MAP2: variants seen among roughly 807,000 people sequenced by gnomAD.
The protein encoded by MAP2 is microtubule-associated protein 2.
In MAP2, 14 loss-of-function variants were observed where a neutral mutation model predicts 137.6. That is an observed-to-expected ratio of 0.10 (90% CI 0.07 to 0.16). The LOEUF is 0.16. MAP2 is among the 10% of genes least tolerant of loss of function. MAP2 has a pLI of 1.00. For missense variants in MAP2, 2,088 were observed against 2,191.5 expected (o/e 0.95, Z 0.94); for synonymous variants, 786 against 782.3 (o/e 1.00, Z -0.08).
At chr2:209,544,321 C>T (rs749444803) in intron 2 of MAP2, among the ~76,000 whole-genome samples, 9 of 151,822 alleles carry the variant, frequency 5.9e-5, no homozygotes, top group Middle Eastern at 3.4e-3. Context: ...CCAGCAACAT[C>T]GAGGGAATCT....
intron 4 of MAP2, among the ~76,000 whole-genome samples, chr2:209,637,623 A>G (rs1031705439): frequency 1.3e-5 from 2 of 152,118 alleles, no homozygotes; most frequent in African/African-American, 4.8e-5. Context: ...GTTACCAGTA[A>G]TACTTCTAAC....
intron 4 of MAP2, among the ~76,000 whole-genome samples, chr2:209,633,476 T>A (rs1229254243): frequency 6.6e-6 from 1 of 152,168 alleles, no homozygotes; most frequent in Non-Finnish European, 1.5e-5. Context: ...AAAACAATAC[T>A]TAATAAATTG....
chr2:209,437,229 T>C (rs1269673022), intron 1 of MAP2, among the ~76,000 whole-genome samples: 5 of 151,730 alleles, frequency 3.3e-5, no homozygotes, highest in African/African-American at 1.2e-4. Context: ...TCACTGTTCG[T>C]TATCACAAAT....
Position 209,653,175 on chromosome 2 carries a change from C to T in MAP2, c.5C>T (p.Ala2Val). 1 of 1,592,736 alleles carries T rather than the reference C, an allele frequency of 6.3e-7. No individual in the cohort carries two copies. The highest frequency in any genetic ancestry group is 8.5e-7 in the Non-Finnish European group (1 of 1,171,210). ...GAAATAACAAGGCATTGAAGAATGG[C>T]AGATGAACGGAAAGATGAAGCAAAG... Reference protein sequence around the residue: MADERKDEAKAP... With the variant: MVDERKDEAKAP... The change falls in exon 5 of 16, where the codon GCA becomes GTA. Residue 2 changes from alanine to valine, a missense_variant. Coordinates refer to ENST00000682079, the MANE Select transcript of MAP2 (RefSeq NM_001375505.1).
At chr2:209,491,873 G>A (rs2059154853) in intron 1 of MAP2, among the ~76,000 whole-genome samples, 1 of 152,098 alleles carries the variant, frequency 6.6e-6, no homozygotes, top group African/African-American at 2.4e-5. Flanking sequence ...AGTACAAAGA[G>A]GAGCTGTTAC....
intron 1 of MAP2, among the ~76,000 whole-genome samples, chr2:209,468,916 A>G (rs1256113591): frequency 6.6e-6 from 1 of 152,170 alleles, no homozygotes; most frequent in African/African-American, 2.4e-5. Flanking sequence ...GGCCACCAAC[A>G]TGTGGGAACA....
At chr2:209,481,545 C>T (rs1708781599) in intron 1 of MAP2, among the ~76,000 whole-genome samples, 1 of 152,136 alleles carries the variant, frequency 6.6e-6, no homozygotes, top group South Asian at 2.1e-4. Context: ...CATGGATTGA[C>T]CTATACTATC....
intron 1 of MAP2, among the ~76,000 whole-genome samples, chr2:209,454,823 C>T (rs1432478200): frequency 6.6e-6 from 1 of 152,134 alleles, no homozygotes; most frequent in Non-Finnish European, 1.5e-5. Flanking sequence ...TAATCATTTA[C>T]TCTGTCTTAG....
intron 2 of MAP2, among the ~76,000 whole-genome samples, chr2:209,554,828 A>T (rs1036860908): frequency 1.3e-5 from 2 of 150,364 alleles, no homozygotes; most frequent in Non-Finnish European, 3.0e-5. Context: ...TAGCAGGTAA[A>T]CTGTTACCAC....
chr2:209,511,499 G>A (rs1030523952), intron 2 of MAP2, among the ~76,000 whole-genome samples: 5 of 152,132 alleles, frequency 3.3e-5, no homozygotes, highest in African/African-American at 1.2e-4. Flanking sequence ...GGTGGCATTG[G>A]TTGAAGCACC....
chr2:209,705,882 G>A (rs2063249646), intron 12 of MAP2, among the ~76,000 whole-genome samples, 155 bp downstream of exon 12: 1 of 152,084 alleles, frequency 6.6e-6, no homozygotes, highest in Non-Finnish European at 1.5e-5. Context: ...AATGTAGATG[G>A]CTGCAAAATA....
At chr2:209,707,171 A>G (rs1046950076) in intron 12 of MAP2, among the ~76,000 whole-genome samples, 4 of 152,188 alleles carry the variant, frequency 2.6e-5, no homozygotes, top group South Asian at 2.1e-4. Flanking sequence ...CACTTTCTCC[A>G]TAAATCCACT....
intron 4 of MAP2, among the ~76,000 whole-genome samples, chr2:209,639,447 C>A (rs2093834090): frequency 6.6e-6 from 1 of 151,890 alleles, no homozygotes; most frequent in African/African-American, 2.4e-5. Context: ...TTGTTTCAGT[C>A]CCACTCACAC....
intron 5 of MAP2, among the ~76,000 whole-genome samples, chr2:209,657,768 TA>T (rs1410854551): frequency 6.6e-6 from 1 of 152,194 alleles, no homozygotes; most frequent in Non-Finnish European, 1.5e-5. Context: ...TTAATCTAAT[TA>T]AGTCCCATTA....
chr2:209,614,270 G>T (rs963506526), intron 3 of MAP2, among the ~76,000 whole-genome samples: 1 of 152,062 alleles, frequency 6.6e-6, no homozygotes, highest in Non-Finnish European at 1.5e-5. Context: ...AAAGGATGGG[G>T]AATTGCATGG....
chr2:209,695,411 T>G lies in MAP2; in HGVS notation c.3241T>G (p.Ser1081Ala). Residue 1081 changes from serine (S) to alanine (A), a missense_variant, in exon 8 of 16, where the codon TCA becomes GCA. By Grantham distance (99) the Ser-to-Ala change is moderately conservative. Around this residue, in one of 6 missense-constraint regions of MAP2, gnomAD observed 500 missense variants for 482.9 expected, o/e 1.04. Transcript: ENST00000682079. ...KLEATQDMTP[S>A]SKAPQEADAF... ...TGAGGCTACACAGGACATGACCCCC[T>G]CATCCAAAGCACCGCAGGAGGCAGA... The G allele has an allele frequency of 6.2e-7, 1 of 1,613,168 alleles. No individual in the cohort carries two copies. Among genetic ancestry groups the G allele is most frequent in the Non-Finnish European group, 8.5e-7 (1 of 1,179,612 alleles).
At chr2:209,566,629 C>T (rs1020553991) in intron 2 of MAP2, among the ~76,000 whole-genome samples, 2 of 152,170 alleles carry the variant, frequency 1.3e-5, no homozygotes, top group African/African-American at 4.8e-5. Context: ...ATTCTTTTTT[C>T]AAGTGATGTA....
At chr2:209,651,582 C>T (rs905632042) in intron 4 of MAP2, among the ~76,000 whole-genome samples, 1 of 152,154 alleles carries the variant, frequency 6.6e-6, no homozygotes, top group Non-Finnish European at 1.5e-5. Context: ...GAAAACTCTC[C>T]TGTGCACACA....
At chr2:209,701,666 G>T (rs950354506) in intron 11 of MAP2, among the ~76,000 whole-genome samples, 2 of 151,960 alleles carry the variant, frequency 1.3e-5, no homozygotes, top group Non-Finnish European at 2.9e-5. Flanking sequence ...AACCTGAGGG[G>T]TTTTATGTTG....
Sources: allele counts gnomAD v4.1 joint callset (sites outside exome capture counted in the v4.1 genomes callset), GRCh38; gene constraint gnomAD v4.1.1; regional missense constraint gnomAD v4.1.1; transcripts MANE v1.5; gene names NCBI Gene and HGNC (gene_info 2026-07-23, HGNC 2026-07-21).